Variants in SLC35F1 observed in about 807,000 individuals in gnomAD.
SLC35F1 encodes the protein chromosome 6 open reading frame 169.
In SLC35F1, 14 loss-of-function variants were observed where a neutral mutation model predicts 48.7. The observed-to-expected ratio is 0.29, with a 90% CI of 0.19 to 0.45. The LOEUF (loss-of-function observed/expected upper bound fraction) is 0.45, where lower values mean the gene tolerates loss of function less well. SLC35F1 is among the 20% of genes least tolerant of loss of function. The probability of loss-of-function intolerance (pLI) is 1.00; values close to 1 mark genes in which losing one functional copy is unlikely to be tolerated. For synonymous variants in SLC35F1, 190 were observed against 202.2 expected (o/e 0.94, Z 0.51); for missense variants, 404 against 500.0 (o/e 0.81, Z 1.83).
intron 1 of SLC35F1, among the ~76,000 whole-genome samples, chr6:118,037,797 C>T (rs1772155786): frequency 6.6e-6 from 1 of 150,966 alleles, no homozygotes; most frequent in Non-Finnish European, 1.5e-5. Flanking sequence ...CATATTCTCA[C>T]TCATAAACGG....
chr6:117,911,438 C>G (rs1379904314), intron 1 of SLC35F1, among the ~76,000 whole-genome samples: 5 of 121,156 alleles, frequency 4.1e-5, no homozygotes, highest in Non-Finnish European at 6.5e-5. Context: ...TTCCTTCCTT[C>G]CTTCCTTCCA....
At chr6:118,229,229 A>G (rs1482638371) in intron 2 of SLC35F1, among the ~76,000 whole-genome samples, 3 of 152,138 alleles carry the variant, frequency 2.0e-5, no homozygotes, top group Non-Finnish European at 4.4e-5. Context: ...TTTTGTAATG[A>G]GACTTTTTAA....
rs1438203369 is a variant in SLC35F1, at chr6:118,314,014, TTG to T, written c.1003-10_1003-9del. 2 of 1,613,136 alleles carry T rather than the reference TTG, an allele frequency of 1.2e-6. No individual in the cohort carries two copies. The highest frequency in any genetic ancestry group is 2.2e-5 in the South Asian group (2 of 91,052). ...CCCTGGCTGTCAAATGACTTTACTGTTGTGTTTTTTTAGTTTTCAGGACTTTA... is the reference window on the plus strand; with the variant it reads ...CCCTGGCTGTCAAATGACTTTACTGTTGTTTTTTTAGTTTTCAGGACTTTA... On this transcript the variant is annotated splice_polypyrimidine_tract_variant and intron_variant, in intron 7 of 7. Coordinates refer to ENST00000360388, the MANE Select transcript of SLC35F1 (RefSeq NM_001029858.4).
chr6:117,913,369 C>T (rs902077711), intron 1 of SLC35F1, among the ~76,000 whole-genome samples: 4 of 152,154 alleles, frequency 2.6e-5, no homozygotes, highest in African/African-American at 4.8e-5. Flanking sequence ...ACACATGTGA[C>T]GAAACATTAT....
At chr6:117,962,706 A>G (rs1388046893) in intron 1 of SLC35F1, among the ~76,000 whole-genome samples, 1 of 152,192 alleles carries the variant, frequency 6.6e-6, no homozygotes, top group African/African-American at 2.4e-5. Context: ...CAGCTGCAAG[A>G]CTTAGGGTAC....
chr6:118,136,143 G>T (rs1773791411), intron 1 of SLC35F1, among the ~76,000 whole-genome samples: 1 of 152,122 alleles, frequency 6.6e-6, no homozygotes, highest in Admixed American at 6.5e-5. Flanking sequence ...CATCCCCACT[G>T]CCTGCCTTTA....
chr6:118,080,684 C>T (rs1021623885), intron 1 of SLC35F1, among the ~76,000 whole-genome samples: 5 of 152,120 alleles, frequency 3.3e-5, no homozygotes, highest in Non-Finnish European at 7.4e-5. Context: ...GGGCTCTTCT[C>T]GTTTGATTGA....
intron 3 of SLC35F1, among the ~76,000 whole-genome samples, chr6:118,261,167 C>T (rs77381188): frequency 0.049 from 7,472 of 152,220 alleles, 649 homozygotes; most frequent in African/African-American, 0.17. Flanking sequence ...ATTCTGTCCC[C>T]ATGGCATGTC....
intron 3 of SLC35F1, among the ~76,000 whole-genome samples, chr6:118,249,936 G>C (rs1775552744): frequency 6.6e-6 from 1 of 152,134 alleles, no homozygotes; most frequent in African/African-American, 2.4e-5. Context: ...GCTGCCCAGG[G>C]CGCTCACCTT....
At chr6:118,250,794 T>C (rs1208940971) in intron 3 of SLC35F1, among the ~76,000 whole-genome samples, 1 of 151,716 alleles carries the variant, frequency 6.6e-6, no homozygotes, top group Non-Finnish European at 1.5e-5. Flanking sequence ...GCCAACATGG[T>C]GAAACCTCAT....
chr6:118,193,638 T>C (rs1461846590), intron 2 of SLC35F1, among the ~76,000 whole-genome samples: 1 of 152,192 alleles, frequency 6.6e-6, no homozygotes, highest in East Asian at 1.9e-4. Context: ...TTACATATGA[T>C]AATGGTAACT....
chr6:118,234,329 G>A lies in SLC35F1; in HGVS notation c.350-1180G>A, dbSNP rs181389279. Among the ~76,000 whole-genome samples, 24 of 152,164 alleles carry A rather than the reference G, an allele frequency of 1.6e-4. No homozygotes were observed. In the East Asian group the frequency reaches 4.3e-3, roughly 27 times the overall value. On this transcript the variant is annotated intron_variant, in intron 2 of 7. Coordinates refer to ENST00000360388, the MANE Select transcript of SLC35F1 (RefSeq NM_001029858.4). ...GGTAGAAGTGTCACTTTTGAGATTA[G>A]GTTATAAAAACCTTATCTTCCATCT...
In SLC35F1 at chr6:118,123,101, C is replaced by CTTT. The variant is rs10667361; in HGVS notation, c.174-31338_174-31336dup. Among the ~76,000 whole-genome samples, 9 of 151,642 alleles carry CTTT rather than the reference C, an allele frequency of 5.9e-5. No homozygotes were observed. In the East Asian group the frequency reaches 9.7e-4, roughly 16 times the overall value. The stretch of plus-strand genomic sequence containing the variant: ...TGAATAGTATTTATTCTCAAAAGCC[C>CTTT]TTTTTTTTGTATTATGTTCCTTGTA... On this transcript the variant is annotated intron_variant, in intron 1 of 7. Coordinates refer to ENST00000360388, the MANE Select transcript of SLC35F1 (RefSeq NM_001029858.4).
chr6:118,237,682 C>T lies in SLC35F1; in HGVS notation c.477+2046C>T, dbSNP rs552328379. 3.3e-5 allele frequency among the ~76,000 whole-genome samples: 5 copies of T among 152,260 alleles called. No individual in the cohort carries two copies. The South Asian group carries it at 1.0e-3, about 32-fold the overall frequency. ...TGGGATTACAGGCATGAGCCACACG[C>T]CCAGCCCGTATGTCTTCTTTAACAG... On this transcript the variant is annotated intron_variant, in intron 3 of 7. Coordinates refer to ENST00000360388, the MANE Select transcript of SLC35F1 (RefSeq NM_001029858.4).
intron 2 of SLC35F1, among the ~76,000 whole-genome samples, chr6:118,216,416 G>A (rs528238673): frequency 1.3e-5 from 2 of 149,604 alleles, no homozygotes; most frequent in Non-Finnish European, 3.0e-5. Context: ...CTAAAATGTT[G>A]TGTGGGAGGC....
chr6:117,934,844 C>T (rs988882808), intron 1 of SLC35F1, among the ~76,000 whole-genome samples: 1 of 152,178 alleles, frequency 6.6e-6, no homozygotes, highest in East Asian at 1.9e-4. Flanking sequence ...TGGCAGCTCT[C>T]GCCTGTCATC....
At chr6:118,090,397 G>C (rs1420518971) in intron 1 of SLC35F1, among the ~76,000 whole-genome samples, 1 of 152,108 alleles carries the variant, frequency 6.6e-6, no homozygotes, top group Non-Finnish European at 1.5e-5. Context: ...AATAAATAAA[G>C]AACATATAGA....
chr6:118,275,472 G>A lies in SLC35F1; in HGVS notation c.651G>A (p.Leu217=). 6.2e-7 allele frequency: 1 copy of A among 1,612,416 alleles called. No individual in the cohort carries two copies. Among genetic ancestry groups the A allele is most frequent in the Non-Finnish European group, 8.5e-7 (1 of 1,179,212 alleles). The stretch of plus-strand genomic sequence containing the variant: ...GTTGGTTCCTAGGGGAAAATAAGCT[G>A]GTAGGGGACCTTCTGGTCTTAGGAG... ...GRHQGAGENK[L]VGDLLVLGGA... is the part of the protein sequence containing the mutation. Residue 217 remains leucine, a synonymous_variant, in exon 5 of 8, where the codon CTG becomes CTA. Transcript: ENST00000360388.
At chr6:118,035,641 C>T (rs1436676970) in intron 1 of SLC35F1, among the ~76,000 whole-genome samples, 1 of 143,520 alleles carries the variant, frequency 7.0e-6, no homozygotes, top group Admixed American at 7.0e-5. Context: ...AACAACAAAA[C>T]AAAACAAAAC....
Sources: gnomAD v4.1 joint callset for allele counts (sites outside exome capture counted in the v4.1 genomes callset) on GRCh38, gnomAD v4.1.1 for gene constraint, MANE v1.5 for transcripts, NCBI Gene and HGNC (gene_info 2026-07-23, HGNC 2026-07-21) for gene names.